Variants in ROGDI observed in about 807,000 individuals in gnomAD.
ROGDI encodes protein rogdi homolog.
ROGDI carries 46 observed loss-of-function variants against 43.1 expected under a neutral mutation model. The observed-to-expected ratio is 1.07, with a 90% CI of 0.84 to 1.37. The LOEUF is 1.37. Among genes scored for constraint, ROGDI ranks in the 40% most tolerant of loss-of-function variants. ROGDI has a pLI of 0.00. For missense variants in ROGDI, 518 were observed against 383.9 expected, an observed-to-expected ratio of 1.35 and a Z score of -2.92; for synonymous variants, 243 against 162.0, an observed-to-expected ratio of 1.50 and a Z score of -3.80.
At chr16:4,800,423 T>TC in intron 5 of ROGDI, 75 bp downstream of exon 5, 1 of 1,236,478 alleles carries the variant, frequency 8.1e-7, no homozygotes, top group East Asian at 2.5e-5. Context: ...CTAGTCCCTC[T>TC]CCAGGGAGGC....
Position 4,801,581 on chromosome 16 carries a change from G to A in ROGDI, c.122C>T (p.Ala41Val), listed in dbSNP as rs771204542. 1.6e-5 allele frequency: 25 copies of A among 1,596,830 alleles called. No homozygotes were observed. The highest frequency in any genetic ancestry group is 2.0e-5 in the Non-Finnish European group (23 of 1,171,984). ...LKQLQDILKE[A>V]SLRFTLPGSG... Reference sequence around the variant, plus strand: ...GCCCGGCAGAGTGAAGCGCAGAGAGGCCTCCTGTGGAACAGAGGGAAGGAG... The same window carrying A: ...GCCCGGCAGAGTGAAGCGCAGAGAGACCTCCTGTGGAACAGAGGGAAGGAG... The change falls in exon 3 of 11, where the codon GCC (alanine) becomes GTC (valine). Residue 41 changes from alanine (A) to valine (V), a missense_variant. Physicochemically the swap from Ala to Val is moderately conservative, Grantham distance 64. Transcript: ENST00000322048.
intron 2 of ROGDI, chr16:4,802,090 G>C: frequency 1.6e-6 from 1 of 633,800 alleles, no homozygotes; most frequent in Admixed American, 2.1e-5. Context: ...GGCAGAGGCA[G>C]AATTCTTCGG....
chr16:4,801,579 A>G lies in ROGDI; in HGVS notation c.124T>C (p.Ser42Pro). Residue 42 changes from serine (S) to proline (P), a missense_variant, in exon 3 of 11, where the codon TCT (serine) becomes CCT (proline). Ser to Pro is a moderately conservative substitution (Grantham distance 74). Transcript: ENST00000322048. ...GAGCCCGGCAGAGTGAAGCGCAGAGAGGCCTCCTGTGGAACAGAGGGAAGG... is the reference window on the plus strand; with the variant it reads ...GAGCCCGGCAGAGTGAAGCGCAGAGGGGCCTCCTGTGGAACAGAGGGAAGG... Reference protein sequence around the residue: ...KQLQDILKEASLRFTLPGSGT... With the variant: ...KQLQDILKEAPLRFTLPGSGT... The G allele has an allele frequency of 6.3e-7, 1 of 1,598,638 alleles. No individual in the cohort carries two copies. Among genetic ancestry groups the G allele is most frequent in the Non-Finnish European group, 8.5e-7 (1 of 1,172,796 alleles).
In ROGDI at chr16:4,796,974, C is replaced by T. The variant is rs1365599152; in HGVS notation, c.*486G>A. The T allele has an allele frequency of 1.3e-5, 2 of 156,152 alleles. No individual in the cohort carries two copies. Among genetic ancestry groups the T allele is most frequent in the East Asian group, 1.9e-4 (1 of 5,232 alleles). The allele number at this position is 156,152 out of a possible 1,614,324, so 9.7% of individuals were successfully genotyped here. A position where few individuals can be genotyped will look rare whatever the true frequency, so the allele number is the denominator to read the frequency against. ...GACAGACAGGGGCTCCAGGTGGAGTCTGATGATCTTTATTTCTTAGACAGC... is the reference window on the plus strand; with the variant it reads ...GACAGACAGGGGCTCCAGGTGGAGTTTGATGATCTTTATTTCTTAGACAGC... On this transcript the variant is annotated 3_prime_UTR_variant, in exon 11 of 11. Transcript: ENST00000322048.
At chr16:4,798,695 C>A in intron 6 of ROGDI, 28 bp from the exon 7 acceptor site, 1 of 1,510,982 alleles carries the variant, frequency 6.6e-7, no homozygotes, top group South Asian at 1.2e-5. Flanking sequence ...GTTGGCTCTG[C>A]GTCCTCCCGT....
intron 4 of ROGDI, 40 bp downstream of exon 4, chr16:4,801,227 C>G: frequency 6.5e-7 from 1 of 1,547,278 alleles, no homozygotes; most frequent in Non-Finnish European, 8.8e-7. Flanking sequence ...ATGCTCTTCC[C>G]CATTGGCAGG....
rs550048759 is a variant in ROGDI, at chr16:4,802,357, G to C, written c.117+25C>G. ...ATGAGGAGGGAGGGCCGCCACGCCC[G>C]GCGGGGCAGGGCGCGGGTCGTTACC... On this transcript the variant is annotated intron_variant, in intron 2 of 10. Transcript: ENST00000322048. 4.3e-4 allele frequency: 668 copies of C among 1,546,670 alleles called. 8 individuals carry two copies. The South Asian group carries it at 7.2e-3, about 17-fold the overall frequency.
Position 4,797,096 on chromosome 16 carries a change from T to G in ROGDI, c.*364A>C, listed in dbSNP as rs1008607007. ...CCTCACCATCCCCGGGACTCATAGC[T>G]CAGTGCCACCCCCCGACACCATGCC... On this transcript the variant is annotated 3_prime_UTR_variant, in exon 11 of 11. Transcript: ENST00000322048. The G allele has an allele frequency of 3.8e-6, 1 of 263,752 alleles. No homozygotes were observed. Among genetic ancestry groups the G allele is most frequent in the African/African-American group, 2.2e-5 (1 of 45,356 alleles). The allele number at this position is 263,752 out of a possible 1,614,324, so 16.3% of individuals were successfully genotyped here.
intron 4 of ROGDI, 65 bp downstream of exon 4, chr16:4,801,202 A>C: frequency 2.2e-6 from 3 of 1,379,498 alleles, no homozygotes; most frequent in Non-Finnish European, 3.0e-6. Context: ...GTACAGAGAG[A>C]AAGTGGGAGC....
Position 4,798,094 on chromosome 16 carries a change from C to T in ROGDI, c.622G>A (p.Ala208Thr). 1.9e-6 allele frequency: 3 copies of T among 1,614,010 alleles called. No individual in the cohort carries two copies. Among genetic ancestry groups the T allele is most frequent in the Non-Finnish European group, 2.5e-6 (3 of 1,179,940 alleles). The change falls in exon 8 of 11, where the codon GCC (alanine) becomes ACC (threonine). Residue 208 changes from alanine (A) to threonine (T), a missense_variant. Physicochemically the swap from Ala to Thr is moderately conservative, Grantham distance 58 (BLOSUM62 0). Coordinates refer to ENST00000322048, the MANE Select transcript of ROGDI (RefSeq NM_024589.3). ...KLCLTVYQLHALQPNSTKNFR... is the reference protein window; with the variant it reads ...KLCLTVYQLHTLQPNSTKNFR... ...ACCTTGGTGGAGTTGGGCTGCAGGG[C>T]ATGCAGCTGGTACACCGTGAGGCAG...
rs900337891 is a variant in ROGDI, at chr16:4,800,587, C to A, written c.256-9G>T. ...ATCTTCAGGTTCACATCCTGACAGG[C>A]AAGAGTGGGGTGAGCTGGGCAGTGG... On this transcript the variant is annotated splice_polypyrimidine_tract_variant and intron_variant, in intron 4 of 10. Transcript: ENST00000322048. 6.4e-7 allele frequency: 1 copy of A among 1,560,816 alleles called. No individual in the cohort carries two copies. Among genetic ancestry groups the A allele is most frequent in the Non-Finnish European group, 8.7e-7 (1 of 1,151,492 alleles).
At chr16:4,800,828 G>A (rs902326485) in intron 4 of ROGDI, 1 of 566,146 alleles carries the variant, frequency 1.8e-6, no homozygotes, top group Non-Finnish European at 3.1e-6. Context: ...GGAAGGGGAA[G>A]AGGAAAGGCA....
In ROGDI at chr16:4,802,529, G is replaced by A; in HGVS notation, c.43C>T (p.Leu15=). 1 of 1,263,538 alleles carries A rather than the reference G, an allele frequency of 7.9e-7. No homozygotes were observed. Among genetic ancestry groups the A allele is most frequent in the South Asian group, 2.5e-5 (1 of 40,208 alleles). 78.3% of individuals were successfully genotyped at this position (1,263,538 alleles called of 1,614,324 possible). A position where few individuals can be genotyped will look rare whatever the true frequency, so the allele number is the denominator to read the frequency against. The change falls in exon 1 of 11, where the codon CTG becomes TTG. Residue 15 remains leucine (L), a splice_region_variant and synonymous_variant. Coordinates refer to ENST00000322048, the MANE Select transcript of ROGDI (RefSeq NM_024589.3). ...MAATAAERAV[L]EEEFRWLLHD... ...GCCCGCTGGCCCGCGCGCCTTACCA[G>A]CACCGCCCGCTCCGCCGCCGTCGCT...
rs780103299 is a variant in ROGDI, at chr16:4,798,567, AC to A, written c.531+1del. ...GCAGCAGGGGCTGGCAGGGGCACTG[AC>A]CGTGAGGCCGCTGGCGGCGATCTCG... On this transcript the variant is annotated splice_donor_variant, in intron 7 of 10. Transcript: ENST00000322048. LOFTEE classifies it high-confidence loss of function. 3 of 1,550,826 alleles carry A rather than the reference AC, an allele frequency of 1.9e-6. No individual in the cohort carries two copies. The highest frequency in any genetic ancestry group is 2.6e-6 in the Non-Finnish European group (3 of 1,153,684).
chr16:4,797,356 G>C lies in ROGDI; in HGVS notation c.*104C>G, dbSNP rs2082662677. 3 of 1,006,282 alleles carry C rather than the reference G, an allele frequency of 3.0e-6. No homozygotes were observed. The highest frequency in any genetic ancestry group is 4.5e-6 in the Non-Finnish European group (3 of 668,228). The allele number at this position is 1,006,282 out of a possible 1,614,324, so 62.3% of individuals were successfully genotyped here. A position where few individuals can be genotyped will look rare whatever the true frequency, so the allele number is the denominator to read the frequency against. ...GTTAGGTGGGGTAGGGGGTGGGATA[G>C]GGAGATAAATAGCAGCCTGGCGTTG... On this transcript the variant is annotated 3_prime_UTR_variant, in exon 11 of 11. Transcript: ENST00000322048.
chr16:4,801,924 G>A (rs1175918493), intron 2 of ROGDI: 3 of 569,124 alleles, frequency 5.3e-6, no homozygotes, highest in Non-Finnish European at 9.9e-6. Context: ...CCGCGGTCCT[G>A]GGCCACAGCA....
Position 4,799,730 on chromosome 16 carries a change from G to C in ROGDI, c.388C>G (p.Arg130Gly), listed in dbSNP as rs758414235. 6.2e-7 allele frequency: 1 copy of C among 1,613,730 alleles called. No homozygotes were observed. The highest frequency in any genetic ancestry group is 8.5e-7 in the Non-Finnish European group (1 of 1,179,794). Residue 130 changes from arginine to glycine, a missense_variant, in exon 6 of 11, where the codon CGG becomes GGG. Physicochemically the swap from Arg to Gly is moderately radical, Grantham distance 125. Coordinates refer to ENST00000322048, the MANE Select transcript of ROGDI (RefSeq NM_024589.3). ...VSQAIYLLTS[R>G]DQSYQFKTGA... ...GTCTTGAACTGGTAGCTCTGGTCCC[G>C]GCTGGTAAGCAGGTAAATGGCTTGG...
rs2082700165 is a variant in ROGDI at position 4,800,365 on chromosome 16, T to G, written c.336+133A>C. 1.7e-5 allele frequency: 12 copies of G among 720,226 alleles called. No individual in the cohort carries two copies. In the East Asian group the frequency reaches 3.3e-4, roughly 20 times the overall value. The allele number at this position is 720,226 out of a possible 1,614,324, so 44.6% of individuals were successfully genotyped here. A position where few individuals can be genotyped will look rare whatever the true frequency, so the allele number is the denominator to read the frequency against. ...AGGAAACGCCTGCCCCCAGCTTTGC[T>G]GTTAGGAAACACCCTCCCAGGCTTG... is the stretch of plus-strand genomic sequence containing the variant. On this transcript the variant is annotated intron_variant, in intron 5 of 10. Transcript: ENST00000322048.
At position 4,798,145 on chromosome 16, in the gene ROGDI, T is replaced by C. The variant is rs747029547; in HGVS notation, c.571A>G (p.Asn191Asp). ...APALPSDLLVNVYINLNKLCL... is the reference protein window; with the variant it reads ...APALPSDLLVDVYINLNKLCL... ...AGCTTGTTGAGGTTGATGTAGACGT[T>C]GACCAGCAGGTCGGACGGCAGGGCA... Residue 191 changes from asparagine to aspartate, a missense_variant, in exon 8 of 11, where the codon AAC (asparagine) becomes GAC (aspartate). Transcript: ENST00000322048. 1 of 1,613,936 alleles carries C rather than the reference T, an allele frequency of 6.2e-7. No homozygotes were observed. Among genetic ancestry groups the C allele is most frequent in the Non-Finnish European group, 8.5e-7 (1 of 1,179,904 alleles).
Sources: gnomAD v4.1 joint callset for allele counts on GRCh38, gnomAD v4.1.1 for gene constraint, MANE v1.5 for transcripts, NCBI Gene and HGNC (gene_info 2026-07-23, HGNC 2026-07-21) for gene names.